VWDE: variants seen among roughly 807,000 people sequenced by gnomAD.
VWDE encodes von Willebrand factor D and EGF domains.
A neutral mutation model predicts 178.4 loss-of-function variants in VWDE; 207 were observed. That is an observed-to-expected ratio of 1.16 (90% CI 1.04 to 1.30). The LOEUF is 1.30. VWDE is among the 50% of genes most tolerant of loss of function. The pLI is 0.00. For synonymous variants in VWDE, 738 were observed against 651.4 expected (o/e 1.13, Z -2.02); for missense variants, 2,287 against 1,901.3 (o/e 1.20, Z -3.77).
Position 12,361,522 on chromosome 7 carries a change from C to G in VWDE, c.2899-1G>C. On this transcript the variant is annotated splice_acceptor_variant, in intron 13 of 28. Coordinates refer to ENST00000275358, the MANE Select transcript of VWDE (RefSeq NM_001135924.3). LOFTEE classifies it high-confidence loss of function. ...CAGGCATCCATTCACTGCTATTATACTGAAGACATAGTGAGAAAAAAATTA... is the reference window on the plus strand; with the variant it reads ...CAGGCATCCATTCACTGCTATTATAGTGAAGACATAGTGAGAAAAAAATTA... 6.6e-7 allele frequency: 1 copy of G among 1,521,290 alleles called. No individual in the cohort carries two copies. The highest frequency in any genetic ancestry group is 8.8e-7 in the Non-Finnish European group (1 of 1,133,330). 94.2% of individuals were successfully genotyped at this position (1,521,290 alleles called of 1,614,324 possible).
intron 19 of VWDE, among the ~76,000 whole-genome samples, chr7:12,351,077 C>T (rs1156891270): frequency 6.6e-6 from 1 of 152,052 alleles, no homozygotes; most frequent in African/African-American, 2.4e-5. Flanking sequence ...AGAGATATCC[C>T]ATTCACAATA....
Position 12,380,244 on chromosome 7 carries a change from A to T in VWDE, c.789+242T>A, listed in dbSNP as rs115825115. Among the ~76,000 whole-genome samples the T allele has an allele frequency of 9.8e-3, 1,480 of 151,452 alleles. 21 individuals carry two copies. The highest frequency in any genetic ancestry group is 0.034 in the African/African-American group (1,392 of 41,448). On this transcript the variant is annotated intron_variant, in intron 5 of 28. Coordinates refer to ENST00000275358, the MANE Select transcript of VWDE (RefSeq NM_001135924.3). The stretch of plus-strand genomic sequence containing the variant: ...TTAAAGTATAATAAATATATATATA[A>T]AAAAGGATTAATAATAATCAGCAAA...
chr7:12,384,127 A>T (rs1783984893), intron 3 of VWDE, among the ~76,000 whole-genome samples: 1 of 152,146 alleles, frequency 6.6e-6, no homozygotes, highest in Non-Finnish European at 1.5e-5. Context: ...AGGTAAATGG[A>T]TATGCTGTTG....
chr7:12,388,661 T>C (rs1290066385), intron 3 of VWDE: 1 of 212,568 alleles, frequency 4.7e-6, no homozygotes, highest in African/African-American at 2.3e-5. Flanking sequence ...GTAAGTTTCA[T>C]GAAGGCAGAG....
chr7:12,361,002 A>G, intron 15 of VWDE, 145 bp downstream of exon 15: 1 of 513,572 alleles, frequency 1.9e-6, no homozygotes, highest in Non-Finnish European at 3.4e-6. Flanking sequence ...TAACAATTTC[A>G]GTTAACTTAT....
chr7:12,336,990 G>C lies in VWDE; in HGVS notation c.4556C>G (p.Thr1519Arg), dbSNP rs761205171. 1 of 1,550,388 alleles carries C rather than the reference G, an allele frequency of 6.4e-7. No homozygotes were observed. Among genetic ancestry groups the C allele is most frequent in the Non-Finnish European group, 8.7e-7 (1 of 1,146,282 alleles). ...PSGWSGKRCN[T>R]PICLQKCKNG... ...TGTTTTAAGAGTATTCCTCTTACGT[G>C]TGTTGCATCGTTTCCCACTCCAACC... Residue 1519 changes from threonine (T) to arginine (R), a missense_variant and splice_region_variant, in exon 26 of 29, where the codon ACA becomes AGA. Coordinates refer to ENST00000275358, the MANE Select transcript of VWDE (RefSeq NM_001135924.3).
intron 24 of VWDE, among the ~76,000 whole-genome samples, chr7:12,338,034 A>G (rs1175957159): frequency 6.6e-6 from 1 of 152,130 alleles, no homozygotes; most frequent in African/African-American, 2.4e-5. Context: ...ATAATTAAAT[A>G]AATGTTAGTT....
intron 3 of VWDE, among the ~76,000 whole-genome samples, chr7:12,388,599 T>C (rs910096583): frequency 6.6e-6 from 1 of 152,214 alleles, no homozygotes; most frequent in Non-Finnish European, 1.5e-5. Flanking sequence ...CTTTAATCTT[T>C]GAATCATATT....
At chr7:12,332,987 G>C (rs576889675) in intron 28 of VWDE, among the ~76,000 whole-genome samples, 3 of 152,256 alleles carry the variant, frequency 2.0e-5, no homozygotes, top group Admixed American at 6.5e-5. Context: ...TTGTATGAGA[G>C]AGAGAGAGAT....
At position 12,403,677 on chromosome 7, in the gene VWDE, A is replaced by ACATCAGCGCGAT. The variant is rs773876407; in HGVS notation, c.28_39dup (p.Ile10_Met13dup). ...CGCTTACCTTCCCCCCAGGCCAGGA[A>ACATCAGCGCGAT]CATCAGCGCGATCACCAGCACGCAG... On this transcript the variant is annotated inframe_insertion, in exon 1 of 29. Coordinates refer to ENST00000275358, the MANE Select transcript of VWDE (RefSeq NM_001135924.3). 739 of 1,547,492 alleles carry ACATCAGCGCGAT rather than the reference A, an allele frequency of 4.8e-4. 1 individual carries two copies. The highest frequency in any genetic ancestry group is 4.7e-4 in the Non-Finnish European group (543 of 1,146,408).
At chr7:12,371,453 C>T (rs1783195299) in intron 10 of VWDE, among the ~76,000 whole-genome samples, 1 of 152,076 alleles carries the variant, frequency 6.6e-6, no homozygotes. Flanking sequence ...ACAGGAATAT[C>T]ACCTCTTCCA....
At chr7:12,343,390 C>A (rs1053729472) in intron 21 of VWDE, among the ~76,000 whole-genome samples, 1 of 152,124 alleles carries the variant, frequency 6.6e-6, no homozygotes, top group Non-Finnish European at 1.5e-5. Context: ...ATTAATAAAA[C>A]GTTTTGTTAA....
chr7:12,348,171 C>T (rs1781718196), intron 19 of VWDE, among the ~76,000 whole-genome samples: 1 of 143,964 alleles, frequency 6.9e-6, no homozygotes, highest in African/African-American at 2.7e-5. Flanking sequence ...TGGGCAAGGA[C>T]TTCATGTCTA....
At chr7:12,346,802 T>C (rs1290640634) in intron 19 of VWDE, among the ~76,000 whole-genome samples, 1 of 152,232 alleles carries the variant, frequency 6.6e-6, no homozygotes, top group South Asian at 2.1e-4. Flanking sequence ...TTTTGCACTG[T>C]CTTCATGCAA....
chr7:12,384,937 C>A (rs1171235503), intron 3 of VWDE, among the ~76,000 whole-genome samples: 1 of 152,060 alleles, frequency 6.6e-6, no homozygotes, highest in African/African-American at 2.4e-5. Flanking sequence ...CATAGGCTAA[C>A]TTTAATTGAT....
intron 3 of VWDE, chr7:12,388,667 C>A: frequency 4.6e-6 from 1 of 216,970 alleles, no homozygotes; most frequent in East Asian, 1.1e-4. Context: ...TTCATGAAGG[C>A]AGAGATCTCA....
intron 26 of VWDE, 113 bp from the exon 27 acceptor site, chr7:12,336,349 T>G: frequency 4.8e-6 from 4 of 827,076 alleles, no homozygotes; most frequent in Non-Finnish European, 5.5e-6. Flanking sequence ...AAGTAAGTGA[T>G]TAAAGAAATT....
chr7:12,357,587 A>C, intron 16 of VWDE, 72 bp from the exon 17 acceptor site: 1 of 1,477,474 alleles, frequency 6.8e-7, no homozygotes, highest in Non-Finnish European at 9.1e-7. Context: ...GAGAGCTCCC[A>C]CAGAGATATG....
rs188650345 is a variant in VWDE, at chr7:12,359,718, A to G, written c.3160-26T>C. On this transcript the variant is annotated intron_variant, in intron 15 of 28. Transcript: ENST00000275358. ...CTAATGGAAAATTTTTAAAAAAGAA[A>G]ACATCAAAGTACAGCGTGTAGAAAA... The G allele has an allele frequency of 3.5e-4, 495 of 1,417,348 alleles. 1 individual carries two copies. In the East Asian group the frequency reaches 7.1e-3, roughly 20 times the overall value. The allele number at this position is 1,417,348 out of a possible 1,614,324, so 87.8% of individuals were successfully genotyped here. A position where few individuals can be genotyped will look rare whatever the true frequency, so the allele number is the denominator to read the frequency against.
Sources: allele counts gnomAD v4.1 joint callset (sites outside exome capture counted in the v4.1 genomes callset), GRCh38; gene constraint gnomAD v4.1.1; transcripts MANE v1.5; gene names NCBI Gene and HGNC (gene_info 2026-07-23, HGNC 2026-07-21).